Variants in SPOCK3 observed in about 807,000 individuals in gnomAD.
The protein encoded by SPOCK3 is SPARC (osteonectin), cwcv and kazal like domains proteoglycan 3.
Under a neutral mutation model 56.6 loss-of-function variants are expected in SPOCK3, and 30 were observed. The ratio of observed to expected loss-of-function variants is 0.53; its 90% CI spans 0.40 to 0.72. The LOEUF is 0.72. Ranked by LOEUF, SPOCK3 falls within the 30% of genes least tolerant of loss-of-function variation. SPOCK3 has a pLI of 0.00. For missense variants in SPOCK3, 527 were observed against 530.0 expected (o/e 0.99, Z 0.06); for synonymous variants, 196 against 183.3 (o/e 1.07, Z -0.56).
chr4:167,063,674 C>T (rs541289843), intron 2 of SPOCK3, among the ~76,000 whole-genome samples: 1 of 151,940 alleles, frequency 6.6e-6, no homozygotes, highest in South Asian at 2.1e-4. Context: ...TTTCACCCCT[C>T]ACACCGTCCC....
chr4:167,042,844 AAG>A (rs1753350751), intron 3 of SPOCK3, among the ~76,000 whole-genome samples: 2 of 152,138 alleles, frequency 1.3e-5, no homozygotes, highest in Non-Finnish European at 2.9e-5. Context: ...CCTAAGGGTC[AAG>A]TAAGTCATGC....
intron 6 of SPOCK3, among the ~76,000 whole-genome samples, chr4:166,850,880 G>A (rs1357634087): frequency 2.6e-5 from 4 of 152,358 alleles, no homozygotes; most frequent in South Asian, 4.1e-4. Flanking sequence ...AGGTGGCAGC[G>A]AGGCTGGGGG....
At chr4:167,097,607 AT>A (rs2150319151) in intron 2 of SPOCK3, among the ~76,000 whole-genome samples, 1 of 151,896 alleles carries the variant, frequency 6.6e-6, no homozygotes, top group East Asian at 1.9e-4. Flanking sequence ...TATTTCTTAC[AT>A]TGATATATTG....
intron 2 of SPOCK3, among the ~76,000 whole-genome samples, chr4:167,115,580 A>G (rs193224276): frequency 6.6e-5 from 10 of 152,214 alleles, no homozygotes; most frequent in Admixed American, 4.6e-4. Context: ...TTCAAGAAAT[A>G]TGATTTTCAT....
At chr4:166,779,485 A>T (rs13110873) in intron 7 of SPOCK3, among the ~76,000 whole-genome samples, 1 of 152,118 alleles carries the variant, frequency 6.6e-6, no homozygotes, top group African/African-American at 2.4e-5. Context: ...TGTAAGAATG[A>T]CAGTAACAAA....
intron 4 of SPOCK3, chr4:166,918,525 A>T (rs1380239783): frequency 1.3e-5 from 2 of 152,138 alleles, no homozygotes; most frequent in Non-Finnish European, 2.9e-5. Context: ...ACTATTAACA[A>T]TGTTGCTATA....
At chr4:166,901,868 G>A (rs1736087537) in intron 5 of SPOCK3, among the ~76,000 whole-genome samples, 1 of 152,090 alleles carries the variant, frequency 6.6e-6, no homozygotes, top group Admixed American at 6.6e-5. Flanking sequence ...TTCCCTTGAT[G>A]ATATCCTTAA....
intron 2 of SPOCK3, among the ~76,000 whole-genome samples, chr4:167,155,532 A>G (rs1446430541): frequency 6.6e-6 from 1 of 152,224 alleles, no homozygotes; most frequent in African/African-American, 2.4e-5. Flanking sequence ...CATGAGATAC[A>G]GTAAAATTGC....
At chr4:166,914,030 G>A (rs1034621415) in intron 4 of SPOCK3, among the ~76,000 whole-genome samples, 16 of 151,002 alleles carry the variant, frequency 1.1e-4, no homozygotes, top group African/African-American at 3.6e-4. Flanking sequence ...AACACTTCAA[G>A]ATTTATAAAT....
chr4:166,796,477 A>G (rs1032053819), intron 6 of SPOCK3, among the ~76,000 whole-genome samples: 3 of 152,136 alleles, frequency 2.0e-5, no homozygotes, highest in South Asian at 2.1e-4. Flanking sequence ...GCTGTCTCGT[A>G]TCTCTACTAG....
At chr4:166,896,806 C>T (rs1284808334) in intron 5 of SPOCK3, among the ~76,000 whole-genome samples, 1 of 152,130 alleles carries the variant, frequency 6.6e-6, no homozygotes, top group African/African-American at 2.4e-5. Context: ...ATTCTTGCTG[C>T]CTTCCTCTGT....
At chr4:167,052,934 T>A (rs1754374409) in intron 3 of SPOCK3, among the ~76,000 whole-genome samples, 1 of 152,152 alleles carries the variant, frequency 6.6e-6, no homozygotes, top group Non-Finnish European at 1.5e-5. Flanking sequence ...CACTAGTCTT[T>A]TTCAGTTTCG....
chr4:166,754,830 A>G (rs1303305263), intron 7 of SPOCK3, 101 bp from the exon 8 acceptor site: 1 of 1,010,232 alleles, frequency 9.9e-7, no homozygotes, highest in African/African-American at 1.6e-5. Context: ...AGGACATCTA[A>G]TGAATAGTTA....
intron 5 of SPOCK3, among the ~76,000 whole-genome samples, chr4:166,911,205 T>C (rs1331542075): frequency 6.6e-6 from 1 of 152,100 alleles, no homozygotes; most frequent in Non-Finnish European, 1.5e-5. Flanking sequence ...GGTAGACATA[T>C]GACAGCTTCA....
chr4:167,080,254 G>C (rs1477262708), intron 2 of SPOCK3, among the ~76,000 whole-genome samples: 1 of 152,046 alleles, frequency 6.6e-6, no homozygotes, highest in African/African-American at 2.4e-5. Context: ...CTTATGTTCT[G>C]TTGCACTAGT....
At chr4:167,080,263 G>A (rs922336220) in intron 2 of SPOCK3, among the ~76,000 whole-genome samples, 2 of 152,066 alleles carry the variant, frequency 1.3e-5, no homozygotes, top group African/African-American at 4.8e-5. Context: ...TGTTGCACTA[G>A]TGGCTGAGGA....
intron 2 of SPOCK3, among the ~76,000 whole-genome samples, chr4:167,104,510 G>A (rs1759927506): frequency 6.6e-6 from 1 of 152,042 alleles, no homozygotes; most frequent in African/African-American, 2.4e-5. Flanking sequence ...TAATGAGCTT[G>A]AAGACAGGCT....
intron 2 of SPOCK3, among the ~76,000 whole-genome samples, chr4:167,154,793 G>T (rs574447332): frequency 6.6e-6 from 1 of 152,230 alleles, no homozygotes; most frequent in South Asian, 2.1e-4. Context: ...GGAGTCCATG[G>T]TTGAGAAATA....
intron 2 of SPOCK3, among the ~76,000 whole-genome samples, chr4:167,226,972 T>G (rs770914639): frequency 2.9e-4 from 44 of 152,160 alleles, no homozygotes; most frequent in Non-Finnish European, 4.7e-4. Flanking sequence ...GAGAAAGAAA[T>G]AAATCTGAAC....
Sources: gnomAD v4.1 joint callset for allele counts (sites outside exome capture counted in the v4.1 genomes callset) on GRCh38, gnomAD v4.1.1 for gene constraint, MANE v1.5 for transcripts, NCBI Gene and HGNC (gene_info 2026-07-23, HGNC 2026-07-21) for gene names.